The following TARS2 variants were observed in gnomAD, a reference collection of about 807,000 sequenced individuals.
The protein encoded by TARS2 is threonine--tRNA ligase, mitochondrial.
TARS2 carries 61 observed loss-of-function variants against 94.4 expected under a neutral mutation model. The ratio of observed to expected loss-of-function variants is 0.65; its 90% CI spans 0.53 to 0.80. The LOEUF (loss-of-function observed/expected upper bound fraction) is 0.80. Among genes scored for constraint, TARS2 ranks in the 30% least tolerant of loss-of-function variants. The pLI is 0.00. For missense variants in TARS2, 704 were observed against 902.5 expected, an observed-to-expected ratio of 0.78 and a Z score of 2.82; for synonymous variants, 359 against 353.4, an observed-to-expected ratio of 1.02 and a Z score of -0.18.
chr1:150,492,370 A>G, intron 6 of TARS2, 41 bp from the exon 7 acceptor site: 1 of 1,597,046 alleles, frequency 6.3e-7, no homozygotes, highest in African/African-American at 1.3e-5. Flanking sequence ...CTAGAAGCTG[A>G]AGATTCTGAA....
intron 9 of TARS2, 46 bp from the exon 10 acceptor site, chr1:150,497,484 T>C: frequency 6.3e-7 from 1 of 1,587,594 alleles, no homozygotes; most frequent in Non-Finnish European, 8.6e-7. Context: ...CTACCTGCTT[T>C]CCTTCCAGTT....
chr1:150,491,865 G>T, intron 6 of TARS2: 1 of 538,802 alleles, frequency 1.9e-6, no homozygotes, highest in East Asian at 3.4e-5. Context: ...CACGATCTCG[G>T]CTCACTGCAA....
At chr1:150,491,966 T>TC (rs1669411079) in intron 6 of TARS2, 1 of 229,806 alleles carries the variant, frequency 4.4e-6, no homozygotes, top group Non-Finnish European at 8.5e-6. Context: ...GGCTAGTTTT[T>TC]TTTTTTTTTT....
intron 7 of TARS2, among the ~76,000 whole-genome samples, chr1:150,496,194 T>G (rs1669657219): frequency 6.6e-6 from 1 of 152,178 alleles, no homozygotes; most frequent in African/African-American, 2.4e-5. Flanking sequence ...AGTCATTGAT[T>G]AGAATGGGAA....
At chr1:150,504,076 G>T (rs150463405) in intron 13 of TARS2, among the ~76,000 whole-genome samples, 82 of 151,870 alleles carry the variant, frequency 5.4e-4, no homozygotes, top group Non-Finnish European at 1.1e-3. Context: ...GGAGCTCAAG[G>T]AATTGAGAGG....
At chr1:150,502,015 C>T (rs1669945854) in intron 13 of TARS2, among the ~76,000 whole-genome samples, 4 of 151,966 alleles carry the variant, frequency 2.6e-5, no homozygotes, top group Admixed American at 2.0e-4. Context: ...CAGGTTCAAG[C>T]GATTCTCCTG....
rs368351142 is a variant in TARS2 at position 150,495,039 on chromosome 1, C to G, written c.775-1443C>G. 2.8e-4 allele frequency among the ~76,000 whole-genome samples: 43 copies of G among 151,986 alleles called. No individual in the cohort carries two copies. In the East Asian group the frequency reaches 4.3e-3, roughly 15 times the overall value. ...CTAAAAATACAAAAAATTAGCTGGGCGAGGTGGCGGGCGCCTGTAGTCCCA... is the reference window on the plus strand; with the variant it reads ...CTAAAAATACAAAAAATTAGCTGGGGGAGGTGGCGGGCGCCTGTAGTCCCA... On this transcript the variant is annotated intron_variant, in intron 7 of 17. Transcript: ENST00000369064.
intron 8 of TARS2, 68 bp from the exon 9 acceptor site, chr1:150,496,742 G>C: frequency 2.5e-6 from 4 of 1,608,236 alleles, no homozygotes; most frequent in Non-Finnish European, 3.4e-6. Flanking sequence ...AGCTCCGTCA[G>C]TTGTTCTGAG....
intron 3 of TARS2, 105 bp downstream of exon 3, chr1:150,489,192 T>C: frequency 6.4e-7 from 1 of 1,552,340 alleles, no homozygotes; most frequent in Non-Finnish European, 8.9e-7. Context: ...CCATTTGCAG[T>C]TGGGAGGGAG....
At chr1:150,494,642 G>C (rs956139919) in intron 7 of TARS2, among the ~76,000 whole-genome samples, 1 of 152,068 alleles carries the variant, frequency 6.6e-6, no homozygotes, top group African/African-American at 2.4e-5. Flanking sequence ...GGGAGGCTGA[G>C]GCAGGAGAAT....
At position 150,490,840 on chromosome 1, in the gene TARS2, G is replaced by A. The variant is rs1669350431; in HGVS notation, c.512+115G>A. 6 of 1,449,444 alleles carry A rather than the reference G, an allele frequency of 4.1e-6. No homozygotes were observed. The South Asian group carries it at 7.2e-5, about 17-fold the overall frequency. 89.8% of individuals were successfully genotyped at this position (1,449,444 alleles called of 1,614,324 possible). ...AAGCTGGAGGAGAAGGGTTTCTCTA[G>A]GTCTCAACTATGACATTAGTATCTC... is the stretch of plus-strand genomic sequence containing the variant. On this transcript the variant is annotated intron_variant, in intron 4 of 17. Transcript: ENST00000369064.
intron 13 of TARS2, among the ~76,000 whole-genome samples, chr1:150,504,022 A>G (rs1309024607): frequency 6.6e-6 from 1 of 151,996 alleles, no homozygotes; most frequent in Non-Finnish European, 1.5e-5. Context: ...GACAGGATAA[A>G]GGGTGTAGCC....
intron 1 of TARS2, 127 bp downstream of exon 1, chr1:150,487,643 G>A: frequency 2.2e-6 from 3 of 1,365,502 alleles, no homozygotes; most frequent in Non-Finnish European, 3.0e-6. Flanking sequence ...CCCAGAAAAG[G>A]ACTCGTATCT....
chr1:150,501,813 T>A (rs891875121), intron 13 of TARS2, among the ~76,000 whole-genome samples: 4 of 152,026 alleles, frequency 2.6e-5, no homozygotes, highest in Non-Finnish European at 5.9e-5. Context: ...CAAAACCCTG[T>A]CTCAATAAAA....
At chr1:150,506,368 C>G (rs1570874283) in intron 17 of TARS2, among the ~76,000 whole-genome samples, 1 of 151,976 alleles carries the variant, frequency 6.6e-6, no homozygotes, top group African/African-American at 2.4e-5. Context: ...CAGAGTGGGA[C>G]TGATGAGAGG....
intron 7 of TARS2, 79 bp from the exon 8 acceptor site, chr1:150,496,403 G>GAGA: frequency 6.6e-7 from 1 of 1,506,480 alleles, no homozygotes; most frequent in Non-Finnish European, 8.9e-7. Flanking sequence ...ACTTAACACT[G>GAGA]AGAGTATCAT....
chr1:150,495,201 C>G (rs1449673032), intron 7 of TARS2, among the ~76,000 whole-genome samples: 2 of 142,692 alleles, frequency 1.4e-5, no homozygotes, highest in Non-Finnish European at 3.1e-5. Context: ...AAAAATTAGT[C>G]GAGTGTGGTG....
At position 150,487,947 on chromosome 1, in the gene TARS2, C is replaced by CA. The variant is rs1669221745; in HGVS notation, c.157dup (p.Met53AsnfsTer10). The CA allele has an allele frequency of 6.2e-7, 1 of 1,613,962 alleles. No individual in the cohort carries two copies. Reference sequence around the variant, plus strand: ...CTGCTCAGGTAAAGAGATTAGCAAGCATGGCACAGAAGGAACCCCGGACTA... The same window carrying CA: ...CTGCTCAGGTAAAGAGATTAGCAAGCAATGGCACAGAAGGAACCCCGGACTA... On this transcript the variant is annotated frameshift_variant, in exon 2 of 18. Transcript: ENST00000369064. LOFTEE classifies it high-confidence loss of function.
At chr1:150,502,740 T>C (rs1019693315) in intron 13 of TARS2, among the ~76,000 whole-genome samples, 1 of 152,136 alleles carries the variant, frequency 6.6e-6, no homozygotes, top group African/African-American at 2.4e-5. Context: ...TTGGGGTCTT[T>C]TATTCAGGTA....
Sources: gnomAD v4.1 joint callset for allele counts (sites outside exome capture counted in the v4.1 genomes callset) on GRCh38, gnomAD v4.1.1 for gene constraint, MANE v1.5 for transcripts, NCBI Gene and HGNC (gene_info 2026-07-23, HGNC 2026-07-21) for gene names.